The following ANKDD1A variants were observed in gnomAD, a reference collection of about 807,000 sequenced individuals.
The protein encoded by ANKDD1A is ankyrin repeat and death domain containing 1A, also known as ankyrin repeat and death domain-containing protein 1A.
A neutral mutation model predicts 63.5 loss-of-function variants in ANKDD1A; 59 were observed. The ratio of observed to expected loss-of-function variants is 0.93; its 90% confidence interval spans 0.75 to 1.15. The LOEUF is 1.15. Ranked by LOEUF, ANKDD1A falls within the 50% of genes most tolerant of loss-of-function variation. The pLI, the probability that ANKDD1A is intolerant of heterozygous loss-of-function variation, is 0.00. For synonymous variants in ANKDD1A, 266 were observed against 263.9 expected (o/e 1.01, Z -0.08); for missense variants, 632 against 656.4 (o/e 0.96, Z 0.41).
intron 14 of ANKDD1A, among the ~76,000 whole-genome samples, chr15:64,953,121 A>C (rs2085331171): frequency 9.2e-6 from 1 of 109,280 alleles, no homozygotes; most frequent in African/African-American, 3.7e-5. Flanking sequence ...TCCGCTTTCT[A>C]CTTTCTTCTT....
chr15:64,940,654 G>A (rs1459957111), intron 9 of ANKDD1A, among the ~76,000 whole-genome samples: 1 of 151,856 alleles, frequency 6.6e-6, no homozygotes, highest in Non-Finnish European at 1.5e-5. Context: ...TAGCCAGGAT[G>A]GTCTCGATCT....
intron 14 of ANKDD1A, among the ~76,000 whole-genome samples, chr15:64,952,853 T>TCCTC: frequency 2.6e-4 from 5 of 19,526 alleles, no homozygotes; most frequent in African/African-American, 3.4e-4. Context: ...CCTTGTCTCT[T>TCCTC]CTCCTTCTTC....
In ANKDD1A at chr15:64,916,277, T is replaced by G. The variant is rs182785883; in HGVS notation, c.138+377T>G. On this transcript the variant is annotated intron_variant, in intron 2 of 14. Coordinates refer to ENST00000319580, the MANE Select transcript of ANKDD1A (RefSeq NM_182703.6). ...ACAAAGCATCTCACAAACAATTCAT[T>G]CCCTCTGTGATAAGTTGTCGTAAGA... 1.6e-3 allele frequency among the ~76,000 whole-genome samples: 245 copies of G among 151,882 alleles called. 5 individuals are homozygous for G. The highest frequency in any genetic ancestry group is 0.013 in the Admixed American group (193 of 15,266).
intron 1 of ANKDD1A, among the ~76,000 whole-genome samples, 189 bp downstream of exon 1, chr15:64,912,153 G>T (rs1029907970): frequency 6.6e-6 from 1 of 152,120 alleles, no homozygotes; most frequent in Non-Finnish European, 1.5e-5. Flanking sequence ...AGTGCGTCTG[G>T]GACTCGGGGA....
chr15:64,938,827 C>T (rs967992098), intron 9 of ANKDD1A, among the ~76,000 whole-genome samples: 2 of 151,894 alleles, frequency 1.3e-5, no homozygotes, highest in African/African-American at 2.4e-5. Context: ...CGCCTGTAAT[C>T]CCAGCTATTT....
At chr15:64,950,436 C>A (rs1417878369) in intron 14 of ANKDD1A, 4 of 985,376 alleles carry the variant, frequency 4.1e-6, no homozygotes, top group Non-Finnish European at 4.8e-6. Flanking sequence ...ATCTCAAAAG[C>A]CTGATATGGG....
At chr15:64,931,656 C>T in intron 8 of ANKDD1A, 71 bp downstream of exon 8, 1 of 1,511,674 alleles carries the variant, frequency 6.6e-7, no homozygotes, top group African/African-American at 1.4e-5. Context: ...CAGTAACGGC[C>T]ACAGGGATTC....
chr15:64,952,816 T>C (rs1211130073), intron 14 of ANKDD1A, among the ~76,000 whole-genome samples: 38 of 146,408 alleles, frequency 2.6e-4, no homozygotes, highest in South Asian at 6.7e-4. Context: ...TTCTCCTCCT[T>C]CTTCCTCCTC....
At chr15:64,943,350 C>A in intron 10 of ANKDD1A, 134 bp from the exon 11 acceptor site, 3 of 745,384 alleles carry the variant, frequency 4.0e-6, no homozygotes, top group Non-Finnish European at 4.6e-6. Context: ...TATGTAAAAC[C>A]AACAAACTGA....
chr15:64,915,241 G>T (rs1427579245), intron 1 of ANKDD1A, among the ~76,000 whole-genome samples: 1 of 152,198 alleles, frequency 6.6e-6, no homozygotes, highest in East Asian at 1.9e-4. Flanking sequence ...GGAGGCAGAG[G>T]TTGCAGTGAG....
chr15:64,930,716 G>A (rs967649791), intron 6 of ANKDD1A, 106 bp from the exon 7 acceptor site: 4 of 1,096,098 alleles, frequency 3.6e-6, no homozygotes, highest in Non-Finnish European at 5.2e-6. Flanking sequence ...CCAGTTGTCA[G>A]GAGCAGGGTG....
rs894288971 is a variant in ANKDD1A, at chr15:64,918,940, C to G, written c.267+1426C>G. 5.3e-5 allele frequency among the ~76,000 whole-genome samples: 8 copies of G among 150,772 alleles called. No homozygotes were observed. The South Asian group carries it at 1.7e-3, about 32-fold the overall frequency. ...CTGCACTCCAACCTGGGTGACAGAG[C>G]GAGACTCTGTCTCAAAAAAAAAAAA... is the stretch of plus-strand genomic sequence containing the variant. On this transcript the variant is annotated intron_variant, in intron 3 of 14. Coordinates refer to ENST00000319580, the MANE Select transcript of ANKDD1A (RefSeq NM_182703.6).
intron 14 of ANKDD1A, among the ~76,000 whole-genome samples, chr15:64,953,964 T>TTTC (rs1555397941): frequency 0.31 from 11,438 of 36,748 alleles, 1,094 homozygotes; most frequent in South Asian, 0.53. Flanking sequence ...TGTTTCTTTT[T>TTTC]TTCTTCTTTC....
intron 1 of ANKDD1A, among the ~76,000 whole-genome samples, chr15:64,913,849 C>T (rs2084950251): frequency 6.6e-6 from 1 of 152,150 alleles, no homozygotes; most frequent in South Asian, 2.1e-4. Flanking sequence ...GGGTCACTTG[C>T]CCTGCAGTGA....
At chr15:64,951,371 T>C (rs2085271301) in intron 14 of ANKDD1A, 1 of 445,742 alleles carries the variant, frequency 2.2e-6, no homozygotes. Flanking sequence ...TTCCTCTTTC[T>C]TCTTTCTTTT....
At chr15:64,934,049 C>A in intron 8 of ANKDD1A, 87 bp from the exon 9 acceptor site, 2 of 1,143,502 alleles carry the variant, frequency 1.7e-6, no homozygotes, top group Non-Finnish European at 2.5e-6. Flanking sequence ...TTGTGACACT[C>A]AAATGGAAAA....
chr15:64,944,589 T>C (rs2085209070), intron 11 of ANKDD1A, 63 bp from the exon 12 acceptor site: 1 of 1,493,286 alleles, frequency 6.7e-7, no homozygotes, highest in African/African-American at 1.4e-5. Flanking sequence ...TCCTCAGTGC[T>C]AGAAACCCTT....
chr15:64,943,858 ACCT>A (rs2085204055), intron 11 of ANKDD1A: 1 of 449,130 alleles, frequency 2.2e-6, no homozygotes, highest in Admixed American at 3.6e-5. Flanking sequence ...TCAGACTGTG[ACCT>A]CCTGAGTCAC....
intron 9 of ANKDD1A, among the ~76,000 whole-genome samples, chr15:64,939,468 T>C (rs1595853532): frequency 6.6e-6 from 1 of 152,148 alleles, no homozygotes; most frequent in East Asian, 1.9e-4. Context: ...ACTTTAAGAT[T>C]AGCTGAGCTG....
Sources: gnomAD v4.1 joint callset for allele counts (sites outside exome capture counted in the v4.1 genomes callset) on GRCh38, gnomAD v4.1.1 for gene constraint, MANE v1.5 for transcripts, NCBI Gene and HGNC (gene_info 2026-07-23, HGNC 2026-07-21) for gene names.